The following MAP3K7CL variants were observed in gnomAD, a reference collection of about 807,000 sequenced individuals.
The protein encoded by MAP3K7CL is MAP3K7 C-terminal like.
A neutral mutation model predicts 18.6 loss-of-function variants in MAP3K7CL; 16 were observed. That is an observed-to-expected ratio of 0.86 (90% confidence interval 0.58 to 1.31). The LOEUF (loss-of-function observed/expected upper bound fraction) is 1.31. MAP3K7CL is among the 50% of genes most tolerant of loss of function. The pLI is 0.00. For synonymous variants in MAP3K7CL, 65 were observed against 66.8 expected (o/e 0.97, Z 0.13); for missense variants, 163 against 174.4 (o/e 0.93, Z 0.37).
intron 4 of MAP3K7CL, chr21:29,109,254 A>G (rs1487362848): frequency 6.5e-7 from 1 of 1,534,464 alleles, no homozygotes; most frequent in Non-Finnish European, 8.7e-7. Flanking sequence ...TTCCATATAT[A>G]CAACCAGATA....
intron 3 of MAP3K7CL, among the ~76,000 whole-genome samples, chr21:29,154,475 G>T (rs2087352850): frequency 6.6e-6 from 1 of 151,780 alleles, no homozygotes; most frequent in Non-Finnish European, 1.5e-5. Context: ...ACAGTGACAG[G>T]TGTCTCTGTG....
At chr21:29,091,901 T>G in intron 3 of MAP3K7CL, 1 of 586,344 alleles carries the variant, frequency 1.7e-6, no homozygotes, top group East Asian at 2.8e-5. Flanking sequence ...AAAGTCCTTT[T>G]GAGTTGGATA....
chr21:29,121,585 A>G lies in MAP3K7CL; in HGVS notation c.371-27604A>G, dbSNP rs150356455. On this transcript the variant is annotated intron_variant, in intron 4 of 6. Coordinates refer to the MAP3K7CL transcript ENST00000286791. ...TGGTTGGCATTTGGTCCTTTCTTGCAGTAGGAGGATGTCCAAGTAAAGACA... is the reference window on the plus strand; with the variant it reads ...TGGTTGGCATTTGGTCCTTTCTTGCGGTAGGAGGATGTCCAAGTAAAGACA... Among the ~76,000 whole-genome samples the G allele has an allele frequency of 3.3e-3, 497 of 152,182 alleles. 1 individual carries two copies. Among genetic ancestry groups the G allele is most frequent in the Non-Finnish European group, 5.8e-3 (397 of 68,014 alleles).
At chr21:29,098,756 C>T (rs2086167645) in intron 4 of MAP3K7CL, among the ~76,000 whole-genome samples, 1 of 151,794 alleles carries the variant, frequency 6.6e-6, no homozygotes, top group African/African-American at 2.4e-5. Flanking sequence ...AAGCTTTCTA[C>T]TAGACTACCT....
intron 4 of MAP3K7CL, among the ~76,000 whole-genome samples, chr21:29,099,112 G>A (rs1211811977): frequency 6.6e-6 from 1 of 151,860 alleles, no homozygotes; most frequent in Non-Finnish European, 1.5e-5. Context: ...TTCTTTTTGA[G>A]ACAGGGCCTG....
chr21:29,151,820 T>C (rs1222924203), intron 3 of MAP3K7CL, among the ~76,000 whole-genome samples: 1 of 152,248 alleles, frequency 6.6e-6, no homozygotes, highest in East Asian at 1.9e-4. Context: ...AGATAATTTT[T>C]CTGTTAAAGC....
intron 4 of MAP3K7CL, among the ~76,000 whole-genome samples, chr21:29,162,726 G>A (rs992025008): frequency 2.6e-5 from 4 of 151,604 alleles, no homozygotes; most frequent in Non-Finnish European, 4.4e-5. Context: ...TGACATGAGA[G>A]TGACTCCTAT....
chr21:29,124,078 A>C (rs2086641667), intron 4 of MAP3K7CL, among the ~76,000 whole-genome samples: 1 of 151,986 alleles, frequency 6.6e-6, no homozygotes, highest in African/African-American at 2.4e-5. Flanking sequence ...ACACAGGCCA[A>C]GGGTGGTGGC....
chr21:29,086,617 A>G (rs899527504), intron 1 of MAP3K7CL, among the ~76,000 whole-genome samples: 1 of 152,200 alleles, frequency 6.6e-6, no homozygotes, highest in Non-Finnish European at 1.5e-5. Flanking sequence ...TTTCATTGAT[A>G]ATAAAGCTGA....
intron 4 of MAP3K7CL, among the ~76,000 whole-genome samples, chr21:29,105,600 G>A (rs990773197): frequency 6.6e-6 from 1 of 152,246 alleles, no homozygotes; most frequent in East Asian, 1.9e-4. Context: ...CCAGGCAGTG[G>A]GAAAAAACAT....
At chr21:29,162,894 C>T (rs963787035) in intron 4 of MAP3K7CL, among the ~76,000 whole-genome samples, 1 of 152,114 alleles carries the variant, frequency 6.6e-6, no homozygotes, top group African/African-American at 2.4e-5. Context: ...CACCTGAGGT[C>T]AGGAGTTTGA....
At chr21:29,081,935 C>G (rs1225916483), upstream of MAP3K7CL, among the ~76,000 whole-genome samples, 1 of 152,160 alleles carries the variant, frequency 6.6e-6, no homozygotes, top group Admixed American at 6.6e-5. Context: ...TGTAGGCGAG[C>G]CTGCTTACGT....
intron 3 of MAP3K7CL, among the ~76,000 whole-genome samples, chr21:29,151,330 ACCTATAGTC>A (rs1348431980): frequency 1.3e-5 from 2 of 151,664 alleles, no homozygotes; most frequent in Non-Finnish European, 2.9e-5. Flanking sequence ...GGTGGCACAC[ACCTATAGTC>A]CCAGCTACTA....
rs150765094 is a variant in MAP3K7CL at position 29,169,416 on chromosome 21, C to A, written c.249-5296C>A. Among the ~76,000 whole-genome samples, 491 of 152,308 alleles carry A rather than the reference C, an allele frequency of 3.2e-3. 2 individuals are homozygous for A. The highest frequency in any genetic ancestry group is 5.5e-3 in the Non-Finnish European group (371 of 68,026). The stretch of plus-strand genomic sequence containing the variant: ...ATGAAGGTAGACTTTGACATCCTTT[C>A]TGTCATCTTGAGGCATTGACTCCTT... On this transcript the variant is annotated intron_variant, in intron 4 of 4. Transcript: ENST00000399928.
Position 29,159,960 on chromosome 21 carries a change from A to C in MAP3K7CL, c.152A>C (p.Asp51Ala). Residue 51 changes from aspartate to alanine, a missense_variant, in exon 4 of 5, where the codon GAC (aspartate) becomes GCC (alanine). Transcript: ENST00000399928. ...QQLQPLPPCH[D>A]SEESMEVFKQ... ...GTGAAGCCCCTGCCGCCTTGTCATGACTCCGAGGAATCCATGGAGGTGTTC... is the reference window on the plus strand; with the variant it reads ...GTGAAGCCCCTGCCGCCTTGTCATGCCTCCGAGGAATCCATGGAGGTGTTC... The C allele has an allele frequency of 6.2e-7, 1 of 1,613,754 alleles. No individual in the cohort carries two copies. The highest frequency in any genetic ancestry group is 8.5e-7 in the Non-Finnish European group (1 of 1,179,770).
chr21:29,086,051 T>A, intron 1 of MAP3K7CL: 1 of 958,382 alleles, frequency 1.0e-6, no homozygotes, highest in Admixed American at 2.1e-5. Flanking sequence ...TAACCATTAC[T>A]GTTGGCAATC....
At chr21:29,077,998 GT>G (rs978523312) in intron 1 of MAP3K7CL, among the ~76,000 whole-genome samples, 41 of 152,226 alleles carry the variant, frequency 2.7e-4, no homozygotes, top group African/African-American at 9.6e-4. Context: ...TAGTTACTTT[GT>G]TTCTGTTTTT....
At chr21:29,099,572 C>A (rs1198481474) in intron 4 of MAP3K7CL, among the ~76,000 whole-genome samples, 3 of 152,144 alleles carry the variant, frequency 2.0e-5, no homozygotes, top group Admixed American at 6.5e-5. Context: ...CTGCTTTGTT[C>A]CACATGTTCC....
chr21:29,147,872 CTA>C (rs2146681294), intron 2 of MAP3K7CL, among the ~76,000 whole-genome samples: 1 of 150,440 alleles, frequency 6.6e-6, no homozygotes, highest in South Asian at 2.1e-4. Context: ...TACTGTATCT[CTA>C]TTATATGTAT....
Sources: gnomAD v4.1 joint callset for allele counts (sites outside exome capture counted in the v4.1 genomes callset) on GRCh38, gnomAD v4.1.1 for gene constraint, MANE v1.5 for transcripts, NCBI Gene and HGNC (gene_info 2026-07-23, HGNC 2026-07-21) for gene names.